Variants in PFDN2 observed in about 807,000 individuals in gnomAD.
The protein encoded by PFDN2 is prefoldin subunit 2.
Under a neutral mutation model 18.3 loss-of-function variants are expected in PFDN2, and 7 were observed. The observed-to-expected ratio is 0.38, with a 90% CI of 0.22 to 0.72. The LOEUF is 0.72. PFDN2 is among the 30% of genes least tolerant of loss of function. PFDN2 has a pLI of 0.47. For synonymous variants in PFDN2, 76 were observed against 75.0 expected (o/e 1.01, Z -0.07); for missense variants, 181 against 199.1 (o/e 0.91, Z 0.55).
chr1:161,118,018 C>A lies in PFDN2; in HGVS notation c.9G>T (p.Glu3Asp), dbSNP rs752041833. The A allele has an allele frequency of 1.6e-5, 26 of 1,611,712 alleles. No homozygotes were observed. Among genetic ancestry groups the A allele is most frequent in the South Asian group, 1.4e-4 (13 of 90,978 alleles). ...TGCTCTTGCCGGCGCGACCGCTGTTCTCCGCCATCTTCGCCGCCTGCTGGG... is the reference window on the plus strand; with the variant it reads ...TGCTCTTGCCGGCGCGACCGCTGTTATCCGCCATCTTCGCCGCCTGCTGGG... The part of the protein sequence containing the change: MA[E>D]NSGRAGKSSG... Residue 3 changes from glutamate to aspartate, a missense_variant, in exon 1 of 4, where the codon GAG becomes GAT. Coordinates refer to ENST00000368010, the MANE Select transcript of PFDN2 (RefSeq NM_012394.4).
chr1:161,111,119 T>C (rs1011812958), intron 1 of PFDN2, among the ~76,000 whole-genome samples: 1 of 151,744 alleles, frequency 6.6e-6, no homozygotes, highest in African/African-American at 2.4e-5. Flanking sequence ...GGATTACAGG[T>C]GTTAGCCACT....
chr1:161,104,515 C>G (rs1460390786), intron 1 of PFDN2, among the ~76,000 whole-genome samples: 7 of 151,120 alleles, frequency 4.6e-5, no homozygotes, highest in Non-Finnish European at 1.0e-4. Flanking sequence ...ACAATCATAG[C>G]TCACTGCAGC....
At chr1:161,110,843 CT>C (rs200704754) in intron 1 of PFDN2, among the ~76,000 whole-genome samples, 105 of 118,204 alleles carry the variant, frequency 8.9e-4, no homozygotes, top group Middle Eastern at 4.5e-3. Context: ...TTTGTAGAGA[CT>C]TTTTTTTTTT....
chr1:161,110,687 T>C (rs1654784812), intron 1 of PFDN2, among the ~76,000 whole-genome samples: 1 of 152,156 alleles, frequency 6.6e-6, no homozygotes, highest in African/African-American at 2.4e-5. Context: ...TCTGGGATAC[T>C]GCTCCACTAA....
intron 1 of PFDN2, among the ~76,000 whole-genome samples, chr1:161,117,248 G>A (rs1038773747): frequency 6.6e-6 from 1 of 152,136 alleles, no homozygotes; most frequent in African/African-American, 2.4e-5. Flanking sequence ...AAAAAAAAAC[G>A]ATAATAATAA....
chr1:161,109,685 T>C (rs1654757669), intron 1 of PFDN2, among the ~76,000 whole-genome samples: 1 of 152,132 alleles, frequency 6.6e-6, no homozygotes, highest in African/African-American at 2.4e-5. Flanking sequence ...TGGAGTGTTG[T>C]GTGGTGGTCA....
chr1:161,113,122 T>C (rs1440009987), intron 1 of PFDN2, among the ~76,000 whole-genome samples: 1 of 152,204 alleles, frequency 6.6e-6, no homozygotes, highest in African/African-American at 2.4e-5. Context: ...AAACAATTAA[T>C]AATATAACAT....
rs75993552 is a variant in PFDN2 at position 161,117,821 on chromosome 1, G to A, written c.75+131C>T. The A allele has an allele frequency of 8.1e-3, 6,654 of 823,368 alleles. 47 individuals carry two copies. Among genetic ancestry groups the A allele is most frequent in the Non-Finnish European group, 0.011 (5,725 of 538,752 alleles). 51.0% of individuals were successfully genotyped at this position (823,368 alleles called of 1,614,324 possible). A position where few individuals can be genotyped will look rare whatever the true frequency, so the allele number is the denominator to read the frequency against. ...GAAGGGGTTCGGCTAGCTTTTCCGG[G>A]GACCCTTCCCTCTCTAGGTGCCACG... is the stretch of plus-strand genomic sequence containing the variant. On this transcript the variant is annotated intron_variant, in intron 1 of 3. Transcript: ENST00000368010.
intron 3 of PFDN2, 116 bp downstream of exon 3, chr1:161,101,932 C>T: frequency 2.1e-6 from 2 of 970,520 alleles, no homozygotes; most frequent in Non-Finnish European, 3.1e-6. Context: ...ATGGTTTCAC[C>T]ATGTTGCCCA....
At chr1:161,111,261 C>T (rs575600557) in intron 1 of PFDN2, among the ~76,000 whole-genome samples, 12 of 152,288 alleles carry the variant, frequency 7.9e-5, no homozygotes, top group Admixed American at 5.9e-4. Context: ...GTGGAAAGAA[C>T]CCAAACTTCT....
At chr1:161,110,314 C>T (rs571349235) in intron 1 of PFDN2, among the ~76,000 whole-genome samples, 1 of 147,774 alleles carries the variant, frequency 6.8e-6, no homozygotes, top group South Asian at 2.2e-4. Flanking sequence ...TGAGCCAACA[C>T]CACACCACTG....
intron 1 of PFDN2, among the ~76,000 whole-genome samples, chr1:161,116,105 T>G (rs969196191): frequency 2.0e-5 from 3 of 152,214 alleles, no homozygotes; most frequent in African/African-American, 7.2e-5. Context: ...CTTATGCCTA[T>G]AGTCCCAGCT....
At chr1:161,113,576 T>G in intron 1 of PFDN2, among the ~76,000 whole-genome samples, 1 of 151,596 alleles carries the variant, frequency 6.6e-6, no homozygotes, top group East Asian at 1.9e-4. Context: ...AGCCCAAGAG[T>G]TCAAGACCAG....
At chr1:161,105,306 G>A (rs1422949714) in intron 1 of PFDN2, among the ~76,000 whole-genome samples, 4 of 151,622 alleles carry the variant, frequency 2.6e-5, no homozygotes, top group Non-Finnish European at 4.4e-5. Context: ...TGTAGAGACA[G>A]GGTCTCACCA....
chr1:161,103,343 T>G (rs1014030690), intron 1 of PFDN2, among the ~76,000 whole-genome samples: 4 of 152,016 alleles, frequency 2.6e-5, no homozygotes, highest in Non-Finnish European at 5.9e-5. Flanking sequence ...AGCCTTCTTT[T>G]TCATTCTGTT....
Position 161,102,048 on chromosome 1 carries a change from C to T in PFDN2, c.288G>A (p.Gln96=). The T allele has an allele frequency of 6.2e-7, 1 of 1,614,204 alleles. No individual in the cohort carries two copies. Among genetic ancestry groups the T allele is most frequent in the Non-Finnish European group, 8.5e-7 (1 of 1,180,036 alleles). Residue 96 remains glutamine, a splice_region_variant and synonymous_variant, in exon 3 of 4, where the codon CAG becomes CAA. Transcript: ENST00000368010. The part of the protein sequence containing the change: ...VLPALENNKE[Q]IQKIIETLTQ... Reference sequence around the variant, plus strand: ...ATCCTATTCAATGATTCTTGCTCACCTGCTCCTTGTTGTTCTCCAAAGCGG... The same window carrying T: ...ATCCTATTCAATGATTCTTGCTCACTTGCTCCTTGTTGTTCTCCAAAGCGG...
Position 161,108,114 on chromosome 1 carries a change from C to CAA in PFDN2, c.76-5741_76-5740dup, listed in dbSNP as rs762075662. Among the ~76,000 whole-genome samples, 31 of 69,364 alleles carry CAA rather than the reference C, an allele frequency of 4.5e-4. No homozygotes were observed. The South Asian group carries it at 8.7e-3, about 20-fold the overall frequency. The allele number at this position is 69,364 out of a possible 152,430, so 45.5% of individuals were successfully genotyped here. On this transcript the variant is annotated intron_variant, in intron 1 of 3. Coordinates refer to ENST00000368010, the MANE Select transcript of PFDN2 (RefSeq NM_012394.4). ...TAGGCAACAGAGCGAGACTCTGTCT[C>CAA]AAAAAAAAAAACAAAAACAAAAACA...
chr1:161,102,475 G>A (rs1654587771), intron 1 of PFDN2, 100 bp from the exon 2 acceptor site: 1 of 821,496 alleles, frequency 1.2e-6, no homozygotes, highest in South Asian at 1.6e-5. Flanking sequence ...GCAGTAGTGG[G>A]CACCTACCTT....
chr1:161,114,052 C>A (rs1654860103), intron 1 of PFDN2, among the ~76,000 whole-genome samples: 1 of 152,150 alleles, frequency 6.6e-6, no homozygotes, highest in Non-Finnish European at 1.5e-5. Flanking sequence ...TGTTCTACTT[C>A]TTTTTTCACT....
Sources: gnomAD v4.1 joint callset for allele counts (sites outside exome capture counted in the v4.1 genomes callset) on GRCh38, gnomAD v4.1.1 for gene constraint, MANE v1.5 for transcripts, NCBI Gene and HGNC (gene_info 2026-07-23, HGNC 2026-07-21) for gene names.